SPATA1: variants seen among roughly 807,000 people sequenced by gnomAD.
The protein encoded by SPATA1 is spermatogenesis-associated protein 1.
Under a neutral mutation model 59.6 loss-of-function variants are expected in SPATA1, and 57 were observed. The ratio of observed to expected loss-of-function variants is 0.96; its 90% CI spans 0.77 to 1.19. The LOEUF (loss-of-function observed/expected upper bound fraction) is 1.19, where lower values mean the gene tolerates loss of function less well. Ranked by LOEUF, SPATA1 falls within the 50% of genes most tolerant of loss-of-function variation. The pLI is 0.00. For missense variants in SPATA1, 448 were observed against 480.7 expected, an observed-to-expected ratio of 0.93 and a Z score of 0.64; for synonymous variants, 147 against 163.9, an observed-to-expected ratio of 0.90 and a Z score of 0.79.
rs761561650 is a variant in SPATA1 at position 84,529,576 on chromosome 1, C to CTTTTTTT, written c.545-3266_545-3260dup. ...TTTGGGAAGAATGCAGGTAATATGCCTTTTTTTTTTTTTTTTTTTTTTTTG... is the reference window on the plus strand; with the variant it reads ...TTTGGGAAGAATGCAGGTAATATGCCTTTTTTTTTTTTTTTTTTTTTTTTTTTTTTTG... On this transcript the variant is annotated intron_variant, in intron 6 of 12. Coordinates refer to ENST00000490879, the Ensembl canonical transcript of SPATA1. 6.1e-4 allele frequency among the ~76,000 whole-genome samples: 56 copies of CTTTTTTT among 91,366 alleles called. 1 individual carries two copies. Among genetic ancestry groups the CTTTTTTT allele is most frequent in the Middle Eastern group, 8.6e-3 (1 of 116 alleles). The allele number at this position is 91,366 out of a possible 152,430, so 59.9% of individuals were successfully genotyped here. A position where few individuals can be genotyped will look rare whatever the true frequency, so the allele number is the denominator to read the frequency against.
intron 4 of SPATA1, among the ~76,000 whole-genome samples, chr1:84,562,952 G>A (rs1224096350): frequency 6.6e-6 from 1 of 152,094 alleles, no homozygotes; most frequent in Non-Finnish European, 1.5e-5. Context: ...AAAATCAACA[G>A]TCATCCTAAC....
At chr1:84,509,080 CAGAACCATAAA>C (rs1682414824) in intron 1 of SPATA1, among the ~76,000 whole-genome samples, 1 of 151,994 alleles carries the variant, frequency 6.6e-6, no homozygotes, top group Non-Finnish European at 1.5e-5. Flanking sequence ...AAAACTTATA[CAGAACCATAAA>C]AGACCCAGAG....
downstream of SPATA1, among the ~76,000 whole-genome samples, chr1:84,559,091 A>G (rs932150620): frequency 5.3e-5 from 8 of 152,174 alleles, no homozygotes; most frequent in South Asian, 2.1e-4. Flanking sequence ...CTTTGCAGAC[A>G]TTAAATTTTT....
chr1:84,514,690 G>A (rs569046119), intron 1 of SPATA1, among the ~76,000 whole-genome samples: 3 of 152,124 alleles, frequency 2.0e-5, no homozygotes, highest in African/African-American at 2.4e-5. Flanking sequence ...GTTCTGGGAC[G>A]GGCACAGTGG....
downstream of SPATA1, among the ~76,000 whole-genome samples, chr1:84,556,805 A>G (rs1684445343): frequency 6.6e-6 from 1 of 152,100 alleles, no homozygotes; most frequent in East Asian, 1.9e-4. Flanking sequence ...ACTAATTGTA[A>G]TCAAGCATAT....
At chr1:84,536,610 A>AT (rs983239469) in intron 8 of SPATA1, among the ~76,000 whole-genome samples, 9 of 151,748 alleles carry the variant, frequency 5.9e-5, no homozygotes, top group Non-Finnish European at 1.2e-4. Flanking sequence ...CGCCCGGCTA[A>AT]TTTTTTTGTA....
At chr1:84,544,132 T>C in intron 8 of SPATA1, 70 bp from the exon 9 acceptor site, 1 of 1,023,572 alleles carries the variant, frequency 9.8e-7, no homozygotes, top group Non-Finnish European at 1.5e-6. Flanking sequence ...CATTATCAAA[T>C]ACCTACGGGC....
chr1:84,556,669 G>A (rs563606654), downstream of SPATA1, among the ~76,000 whole-genome samples: 5 of 133,734 alleles, frequency 3.7e-5, no homozygotes, highest in East Asian at 4.4e-4. Flanking sequence ...CTGAGATCAC[G>A]CCACTGCACT....
rs181186179 is a variant in SPATA1 at position 84,523,148 on chromosome 1, C to T, written c.261+641C>T. On this transcript the variant is annotated intron_variant, in intron 4 of 12. Transcript: ENST00000490879. ...TCAAATTCCTGACTTCAGGTGATCT[C>T]CCTGCCTCAGCCTCCCAAAGTCCTG... 2.6e-5 allele frequency among the ~76,000 whole-genome samples: 4 copies of T among 152,152 alleles called. 1 individual carries two copies. Among genetic ancestry groups the T allele is most frequent in the African/African-American group, 9.6e-5 (4 of 41,530 alleles).
At chr1:84,544,399 T>C in intron 9 of SPATA1, 95 bp downstream of exon 9, 10 of 939,962 alleles carry the variant, frequency 1.1e-5, no homozygotes, top group Non-Finnish European at 1.6e-5. Flanking sequence ...AGAGTTTCAG[T>C]TTGAGAAGAT....
At chr1:84,551,368 TAAAA>T (rs1408403260) in intron 12 of SPATA1, 1 of 756,700 alleles carries the variant, frequency 1.3e-6, no homozygotes, top group Non-Finnish European at 1.6e-6. Context: ...CAGATAAAAA[TAAAA>T]ATAAATAAAA....
At chr1:84,533,496 TATA>T (rs1683552917) in intron 7 of SPATA1, among the ~76,000 whole-genome samples, 1 of 152,116 alleles carries the variant, frequency 6.6e-6, no homozygotes, top group Non-Finnish European at 1.5e-5. Context: ...TTAGCTATAA[TATA>T]ATAAAATATG....
intron 8 of SPATA1, among the ~76,000 whole-genome samples, chr1:84,537,271 G>A (rs1039515413): frequency 6.6e-6 from 1 of 152,134 alleles, no homozygotes; most frequent in Non-Finnish European, 1.5e-5. Context: ...TGATCATAAG[G>A]ATGTATGATT....
rs541444041 is a variant in SPATA1, at chr1:84,512,011, A to G, written c.-137-4212A>G. Among the ~76,000 whole-genome samples the G allele has an allele frequency of 6.6e-5, 10 of 152,238 alleles. No individual in the cohort carries two copies. The East Asian group carries it at 1.9e-3, about 29-fold the overall frequency. Reference sequence around the variant, plus strand: ...TTCAGGCATTTTAATCTGTTTACCTAAGACAGGTTAACCTTTAAATTGATG... The same window carrying G: ...TTCAGGCATTTTAATCTGTTTACCTGAGACAGGTTAACCTTTAAATTGATG... On this transcript the variant is annotated intron_variant, in intron 1 of 12. Transcript: ENST00000490879.
At chr1:84,522,396 T>G in exon 4 of SPATA1, 1 of 1,471,448 alleles carries the variant, frequency 6.8e-7, no homozygotes, top group Non-Finnish European at 9.1e-7. Context: ...TCAGAGTATC[T>G]CCTCAACTTA....
intron 9 of SPATA1, among the ~76,000 whole-genome samples, chr1:84,544,859 C>T (rs906078247): frequency 2.6e-5 from 4 of 151,822 alleles, no homozygotes; most frequent in African/African-American, 9.7e-5. Flanking sequence ...CAGCACCTGG[C>T]CCAGGGATTT....
chr1:84,550,290 C>CAA (rs1274112580), intron 11 of SPATA1, 142 bp from the exon 12 acceptor site: 2 of 415,278 alleles, frequency 4.8e-6, no homozygotes, highest in Admixed American at 4.5e-5. Context: ...TTCTCCAAAG[C>CAA]AATTTAGTTT....
At chr1:84,538,127 A>G (rs1219194826) in intron 8 of SPATA1, among the ~76,000 whole-genome samples, 1 of 152,182 alleles carries the variant, frequency 6.6e-6, no homozygotes, top group Admixed American at 6.5e-5. Flanking sequence ...GCCACATTCA[A>G]CTCACCTAGT....
At chr1:84,512,653 G>A (rs1393359520) in intron 1 of SPATA1, among the ~76,000 whole-genome samples, 1 of 152,180 alleles carries the variant, frequency 6.6e-6, no homozygotes, top group Non-Finnish European at 1.5e-5. Flanking sequence ...ATGATGGGTA[G>A]CTATTTTGAA....
Sources: allele counts gnomAD v4.1 joint callset (sites outside exome capture counted in the v4.1 genomes callset), GRCh38; gene constraint gnomAD v4.1.1; transcripts MANE v1.5; gene names NCBI Gene and HGNC (gene_info 2026-07-23, HGNC 2026-07-21).